The following GALNT13 variants were observed in gnomAD, a reference collection of about 807,000 sequenced individuals.
GALNT13 encodes polypeptide N-acetylgalactosaminyltransferase 13.
Under a neutral mutation model 64.2 loss-of-function variants are expected in GALNT13, and 28 were observed. The observed-to-expected ratio is 0.44, with a 90% confidence interval of 0.32 to 0.60. The LOEUF (loss-of-function observed/expected upper bound fraction) is 0.60, where lower values mean the gene tolerates loss of function less well. GALNT13 is among the 20% of genes least tolerant of loss of function. The pLI is 0.05. For synonymous variants in GALNT13, 214 were observed against 224.6 expected (o/e 0.95, Z 0.42); for missense variants, 577 against 669.8 (o/e 0.86, Z 1.53).
Position 154,170,550 on chromosome 2 carries a change from A to G in GALNT13, c.311+30045A>G, listed in dbSNP as rs191123814. Among the ~76,000 whole-genome samples the G allele has an allele frequency of 2.0e-5, 3 of 152,228 alleles. No homozygotes were observed. The East Asian group carries it at 5.8e-4, about 29-fold the overall frequency. ...CCCAAAGAGCCCAGTTTGAGCAATA[A>G]ATTACATTGTTATCCTAATATGATT... On this transcript the variant is annotated intron_variant, in intron 4 of 12. Coordinates refer to ENST00000392825, the MANE Select transcript of GALNT13 (RefSeq NM_052917.4).
At chr2:154,253,810 A>G (rs960563005) in intron 7 of GALNT13, among the ~76,000 whole-genome samples, 1 of 152,174 alleles carries the variant, frequency 6.6e-6, no homozygotes, top group African/African-American at 2.4e-5. Context: ...TTTCAAATAG[A>G]TTGTTCTGTG....
the GALNT13 span, among the ~76,000 whole-genome samples, chr2:153,374,281 T>C: frequency 6.6e-6 from 1 of 152,330 alleles, no homozygotes; most frequent in South Asian, 2.1e-4. Flanking sequence ...TCCAAACAAG[T>C]ATGAAGTTAT....
intron 8 of GALNT13, among the ~76,000 whole-genome samples, chr2:154,298,460 CATATATAAATT>C (rs1298335596): frequency 0.016 from 1,647 of 103,116 alleles, 39 homozygotes; most frequent in African/African-American, 0.05. Flanking sequence ...TTTATATATA[CATATATAAATT>C]ATATATAAAT....
At chr2:153,932,419 T>C (rs959906400) in intron 2 of GALNT13, among the ~76,000 whole-genome samples, 3 of 151,952 alleles carry the variant, frequency 2.0e-5, no homozygotes, top group Non-Finnish European at 1.5e-5. Flanking sequence ...TCATGTGTGC[T>C]ATAGACTTTC....
chr2:153,750,698 T>C, the GALNT13 span, among the ~76,000 whole-genome samples: 1 of 151,868 alleles, frequency 6.6e-6, no homozygotes, highest in African/African-American at 2.4e-5. Flanking sequence ...TTTTATTTAT[T>C]TGGACCTTTT....
chr2:153,589,827 C>T, the GALNT13 span, among the ~76,000 whole-genome samples: 16 of 152,154 alleles, frequency 1.1e-4, no homozygotes, highest in Non-Finnish European at 1.9e-4. Flanking sequence ...CCACCAGATC[C>T]TCCCACACAA....
the GALNT13 span, among the ~76,000 whole-genome samples, chr2:153,300,990 G>T: frequency 6.6e-6 from 1 of 152,088 alleles, no homozygotes; most frequent in Non-Finnish European, 1.5e-5. Context: ...GATAGCTTCA[G>T]GCCAGATGTT....
intron 3 of GALNT13, among the ~76,000 whole-genome samples, chr2:154,088,657 T>A (rs1397643986): frequency 6.6e-6 from 1 of 152,138 alleles, no homozygotes; most frequent in Non-Finnish European, 1.5e-5. Context: ...TTCCCCACAT[T>A]GGCCATGCTG....
the GALNT13 span, among the ~76,000 whole-genome samples, chr2:153,811,117 T>C: frequency 6.6e-6 from 1 of 152,146 alleles, no homozygotes; most frequent in Admixed American, 6.5e-5. Flanking sequence ...ATTATTATCG[T>C]TATCATTATT....
chr2:153,313,695 A>C, the GALNT13 span, among the ~76,000 whole-genome samples: 3 of 152,204 alleles, frequency 2.0e-5, no homozygotes, highest in Admixed American at 2.0e-4. Flanking sequence ...CTCTGAACTT[A>C]AAAGTTAAAA....
chr2:154,093,608 A>G (rs1477918580), intron 3 of GALNT13, among the ~76,000 whole-genome samples: 2 of 151,986 alleles, frequency 1.3e-5, no homozygotes, highest in African/African-American at 4.8e-5. Context: ...TAAAAAATAA[A>G]TAAGTTAAAT....
chr2:153,158,521 CTG>C, the GALNT13 span, among the ~76,000 whole-genome samples: 1 of 152,118 alleles, frequency 6.6e-6, no homozygotes, highest in Non-Finnish European at 1.5e-5. Flanking sequence ...ACTCTTAACT[CTG>C]TGTCAATAAC....
the GALNT13 span, among the ~76,000 whole-genome samples, chr2:153,744,235 T>G: frequency 6.6e-6 from 1 of 152,150 alleles, no homozygotes; most frequent in African/African-American, 2.4e-5. Context: ...AATTTTTAGT[T>G]TTTTTGAGAA....
the GALNT13 span, among the ~76,000 whole-genome samples, chr2:153,228,094 C>T: frequency 6.6e-6 from 1 of 152,166 alleles, no homozygotes; most frequent in African/African-American, 2.4e-5. Context: ...AGATGTAGTA[C>T]TTGGAGTTGT....
the GALNT13 span, among the ~76,000 whole-genome samples, chr2:153,789,525 T>C: frequency 6.6e-6 from 1 of 152,026 alleles, no homozygotes; most frequent in Admixed American, 6.6e-5. Context: ...ATATCACAAG[T>C]AGAAGAACTA....
the GALNT13 span, among the ~76,000 whole-genome samples, chr2:153,173,688 T>C: frequency 2.0e-5 from 3 of 151,934 alleles, no homozygotes; most frequent in Non-Finnish European, 4.4e-5. Context: ...AAAATATTAA[T>C]ACATTCACCC....
At chr2:153,786,926 G>T in the GALNT13 span, among the ~76,000 whole-genome samples, 1 of 152,014 alleles carries the variant, frequency 6.6e-6, no homozygotes, top group East Asian at 1.9e-4. Flanking sequence ...TCATAAATAG[G>T]CAGGGAACCG....
the GALNT13 span, among the ~76,000 whole-genome samples, chr2:153,451,698 G>T: frequency 6.6e-6 from 1 of 152,188 alleles, no homozygotes; most frequent in Non-Finnish European, 1.5e-5. Flanking sequence ...AACTTGGGAG[G>T]AAATTTCATT....
At chr2:153,801,044 T>C in the GALNT13 span, among the ~76,000 whole-genome samples, 2 of 152,286 alleles carry the variant, frequency 1.3e-5, no homozygotes, top group East Asian at 3.9e-4. Context: ...TTCCAACTTC[T>C]CTTTGGCAGC....
Sources: gnomAD v4.1 joint callset for allele counts (sites outside exome capture counted in the v4.1 genomes callset) on GRCh38, gnomAD v4.1.1 for gene constraint, MANE v1.5 for transcripts, NCBI Gene and HGNC (gene_info 2026-07-23, HGNC 2026-07-21) for gene names.